The following UNC13A variants were observed in gnomAD, a reference collection of about 807,000 sequenced individuals.
The protein encoded by UNC13A is unc-13 homolog A.
In UNC13A, 61 loss-of-function variants were observed where a neutral mutation model predicts 219.7. That is an observed-to-expected ratio of 0.28 (90% CI 0.23 to 0.34). The LOEUF (loss-of-function observed/expected upper bound fraction) is 0.34, where lower values mean the gene tolerates loss of function less well. Among genes scored for constraint, UNC13A ranks in the 10% least tolerant of loss-of-function variants. The pLI, the probability that UNC13A is intolerant of heterozygous loss-of-function variation, is 1.00. For synonymous variants in UNC13A, 920 were observed against 884.6 expected, an observed-to-expected ratio of 1.04 and a Z score of -0.71; for missense variants, 1,476 against 2,270.3, an observed-to-expected ratio of 0.65 and a Z score of 7.11.
intron 8 of UNC13A, among the ~76,000 whole-genome samples, chr19:17,661,846 G>A (rs760035820): frequency 1.2e-4 from 18 of 152,144 alleles, no homozygotes; most frequent in East Asian, 1.9e-4. Context: ...GGTGGGCAGC[G>A]GTTGGGTGAG....
chr19:17,617,240 C>A (rs1288001264), intron 41 of UNC13A, among the ~76,000 whole-genome samples: 1 of 152,116 alleles, frequency 6.6e-6, no homozygotes, highest in Admixed American at 6.5e-5. Context: ...GTCAATCACT[C>A]CTGAAGTCTC....
At chr19:17,686,239 T>C (rs200759789) in intron 1 of UNC13A, among the ~76,000 whole-genome samples, 2 of 105,882 alleles carry the variant, frequency 1.9e-5, no homozygotes, top group Non-Finnish European at 3.8e-5. Flanking sequence ...CTGCCCCCCC[T>C]TAATGCCACC....
Position 17,607,596 on chromosome 19 carries a change from T to A in UNC13A, c.4812-1242A>T, listed in dbSNP as rs528715262. On this transcript the variant is annotated intron_variant, in intron 43 of 43. Transcript: ENST00000519716. ...CCTGGCCCATAGTTTTTTGTTTTTT[T>A]AAAGACAGGGTCTCGCTATGTCGGT... Among the ~76,000 whole-genome samples, 12 of 151,330 alleles carry A rather than the reference T, an allele frequency of 7.9e-5. No homozygotes were observed. In the East Asian group the frequency reaches 2.3e-3, roughly 29 times the overall value.
At position 17,657,745 on chromosome 19, in the gene UNC13A, T is replaced by C. The variant is rs888938184; in HGVS notation, c.767+317A>G. Among the ~76,000 whole-genome samples the C allele has an allele frequency of 3.3e-5, 5 of 151,846 alleles. No homozygotes were observed. In the South Asian group the frequency reaches 8.3e-4, roughly 25 times the overall value. On this transcript the variant is annotated intron_variant, in intron 9 of 43. Coordinates refer to ENST00000519716, the MANE Select transcript of UNC13A (RefSeq NM_001080421.3). ...TTAGCTTGGTGTGGCGGCCTGTGCC[T>C]GTAGTCCCAGCTACTGGGGAGGCTG...
intron 43 of UNC13A, among the ~76,000 whole-genome samples, chr19:17,608,008 A>G (rs1331159151): frequency 6.8e-6 from 1 of 147,356 alleles, no homozygotes; most frequent in African/African-American, 2.5e-5. Context: ...CACCCTCTGG[A>G]GTAGCTGGGA....
chr19:17,651,243 A>G (rs2079341671), intron 12 of UNC13A, among the ~76,000 whole-genome samples: 1 of 91,266 alleles, frequency 1.1e-5, no homozygotes, highest in South Asian at 3.8e-4. Flanking sequence ...CGGCCCACAC[A>G]TAGCTAATTA....
chr19:17,639,638 A>G (rs1449270103), intron 23 of UNC13A, 113 bp from the exon 24 acceptor site: 1 of 1,248,798 alleles, frequency 8.0e-7, no homozygotes, highest in Admixed American at 2.1e-5. Flanking sequence ...GGTTGATTAG[A>G]GCACCTCGAA....
At chr19:17,676,872 G>T (rs1401225638) in intron 1 of UNC13A, among the ~76,000 whole-genome samples, 2 of 152,164 alleles carry the variant, frequency 1.3e-5, no homozygotes, top group Admixed American at 6.6e-5. Flanking sequence ...AAATTTGCCA[G>T]GTGTGGTGGC....
At chr19:17,666,778 TTC>T (rs916666127) in intron 6 of UNC13A, 74 bp from the exon 7 acceptor site, 180 of 1,221,556 alleles carry the variant, frequency 1.5e-4, no homozygotes, top group Non-Finnish European at 1.8e-4. Context: ...TAGTCCTCTG[TTC>T]TGTCCCATCC....
chr19:17,658,844 G>T (rs1428686530), intron 8 of UNC13A, among the ~76,000 whole-genome samples: 4 of 152,184 alleles, frequency 2.6e-5, no homozygotes, highest in Non-Finnish European at 4.4e-5. Flanking sequence ...GCTTGGCAAA[G>T]CCACCACACA....
At chr19:17,641,685 T>TTTTTTTTTTTTTTTTTG in intron 20 of UNC13A, 129 bp from the exon 21 acceptor site, 10 of 981,168 alleles carry the variant, frequency 1.0e-5, no homozygotes, top group Non-Finnish European at 1.5e-5. Flanking sequence ...TCTACTCTTT[T>TTTTTTTTTTTTTTTTTG]ATCCATCCAC....
intron 26 of UNC13A, among the ~76,000 whole-genome samples, chr19:17,634,406 T>G (rs1410635051): frequency 6.6e-6 from 1 of 151,872 alleles, no homozygotes; most frequent in African/African-American, 2.4e-5. Context: ...TGGTGCGATT[T>G]CAGCTCACTG....
intron 1 of UNC13A, among the ~76,000 whole-genome samples, chr19:17,679,390 A>G (rs1001506058): frequency 2.0e-5 from 3 of 151,634 alleles, no homozygotes; most frequent in Non-Finnish European, 2.9e-5. Flanking sequence ...ACAGAGCAAG[A>G]CTCTGTCTCA....
chr19:17,656,484 C>A, intron 9 of UNC13A, 86 bp from the exon 10 acceptor site: 1 of 1,300,084 alleles, frequency 7.7e-7, no homozygotes, highest in Non-Finnish European at 1.0e-6. Context: ...GACTCATCAC[C>A]GACTGAGCAC....
rs1599404901 is a variant in UNC13A, at chr19:17,670,332, C to T, written c.271-656G>A. 2.0e-5 allele frequency among the ~76,000 whole-genome samples: 3 copies of T among 152,112 alleles called. No homozygotes were observed. In the South Asian group the frequency reaches 6.2e-4, roughly 32 times the overall value. ...CTCAGCTCACTGCAACCTCCGCTTC[C>T]CAGGCTCAAGTGATTCTCCTAACTC... On this transcript the variant is annotated intron_variant, in intron 4 of 43. Coordinates refer to ENST00000519716, the MANE Select transcript of UNC13A (RefSeq NM_001080421.3).
intron 8 of UNC13A, among the ~76,000 whole-genome samples, chr19:17,663,209 C>T (rs138812316): frequency 2.0e-4 from 31 of 151,976 alleles, no homozygotes; most frequent in Admixed American, 7.9e-4. Flanking sequence ...TGAGGTTATA[C>T]GGCGGAGTGG....
intron 19 of UNC13A, 34 bp downstream of exon 19, chr19:17,645,640 G>A (rs369341537): frequency 2.7e-5 from 43 of 1,612,382 alleles, no homozygotes; most frequent in African/African-American, 2.5e-4. Flanking sequence ...CCTGGGACCC[G>A]TCCCCACCCG....
Position 17,606,191 on chromosome 19 carries a change from T to C in UNC13A, c.4975A>G (p.Ile1659Val). ...AACWLPLGRR[I>V]HMDDTGLTVL... Reference sequence around the variant, plus strand: ...GTGAGGCCCGTGTCGTCCATGTGGATGCGGCGGCCGAGCGGCAGCCAGCAG... The same window carrying C: ...GTGAGGCCCGTGTCGTCCATGTGGACGCGGCGGCCGAGCGGCAGCCAGCAG... The change falls in exon 44 of 44, where the codon ATC becomes GTC. Residue 1659 changes from isoleucine (I) to valine (V), a missense_variant. This residue lies in a region of UNC13A where 187 missense variants were observed against 172.3 expected (regional missense o/e 1.09). Coordinates refer to ENST00000519716, the MANE Select transcript of UNC13A (RefSeq NM_001080421.3). The C allele has an allele frequency of 6.4e-7, 1 of 1,556,424 alleles. No homozygotes were observed. The highest frequency in any genetic ancestry group is 8.7e-7 in the Non-Finnish European group (1 of 1,153,012).
At chr19:17,608,459 TATAA>T (rs1020618055) in intron 43 of UNC13A, among the ~76,000 whole-genome samples, 1 of 139,804 alleles carries the variant, frequency 7.2e-6, no homozygotes, top group Non-Finnish European at 1.5e-5. Context: ...TATAATATAA[TATAA>T]ATACATATTT....
Sources: allele counts gnomAD v4.1 joint callset (sites outside exome capture counted in the v4.1 genomes callset), GRCh38; gene constraint gnomAD v4.1.1; regional missense constraint gnomAD v4.1.1; transcripts MANE v1.5; gene names NCBI Gene and HGNC (gene_info 2026-07-23, HGNC 2026-07-21).